PAK1IP1: variants seen among roughly 807,000 people sequenced by gnomAD.
PAK1IP1 encodes the protein PAK1 interacting protein 1.
A neutral mutation model predicts 42.0 loss-of-function variants in PAK1IP1; 24 were observed. The observed-to-expected ratio is 0.57, with a 90% CI of 0.41 to 0.80. The LOEUF is 0.80. PAK1IP1 is among the 30% of genes least tolerant of loss of function. PAK1IP1 has a pLI of 0.00. For missense variants in PAK1IP1, 411 were observed against 467.9 expected (o/e 0.88, Z 1.12); for synonymous variants, 154 against 156.7 (o/e 0.98, Z 0.13).
Position 10,703,417 on chromosome 6 carries a change from T to C in PAK1IP1, c.456T>C (p.Leu152=), listed in dbSNP as rs546238803. The C allele has an allele frequency of 2.3e-5, 37 of 1,611,762 alleles. No individual in the cohort carries two copies. The highest frequency in any genetic ancestry group is 2.9e-5 in the Non-Finnish European group (34 of 1,178,542). Residue 152 remains leucine (L), a synonymous_variant, in exon 5 of 10, where the codon CTT becomes CTC. Transcript: ENST00000379568. ...TCCTGTTTTGCAGAACGTGGAATCTTGTAGAAGGAAGATCAGCATTCATAA... is the reference window on the plus strand; with the variant it reads ...TCCTGTTTTGCAGAACGTGGAATCTCGTAGAAGGAAGATCAGCATTCATAA... ...GTDKTLRTWN[L]VEGRSAFIKN...
At position 10,701,425 on chromosome 6, in the gene PAK1IP1, C is replaced by G. The variant is rs554580891; in HGVS notation, c.248-944C>G. Among the ~76,000 whole-genome samples, 3 of 152,318 alleles carry G rather than the reference C, an allele frequency of 2.0e-5. No homozygotes were observed. The East Asian group carries it at 5.8e-4, about 29-fold the overall frequency. ...ATTAGTTTGCTGGGGATAATGGCTT[C>G]CAACTCCATCCACATCCCTGCAAAG... On this transcript the variant is annotated intron_variant, in intron 2 of 9. Transcript: ENST00000379568.
At chr6:10,697,118 C>G (rs1193415048) in intron 1 of PAK1IP1, among the ~76,000 whole-genome samples, 1 of 152,110 alleles carries the variant, frequency 6.6e-6, no homozygotes, top group South Asian at 2.1e-4. Context: ...AGTCTCAAGT[C>G]CTTTGTGGTA....
chr6:10,698,180 A>G (rs966627304), intron 2 of PAK1IP1, among the ~76,000 whole-genome samples: 1 of 152,190 alleles, frequency 6.6e-6, no homozygotes, highest in African/African-American at 2.4e-5. Flanking sequence ...GTGCCAAGAA[A>G]GTAGAAGAGA....
At chr6:10,707,955 C>G (rs879859804) in intron 8 of PAK1IP1, among the ~76,000 whole-genome samples, 5 of 151,508 alleles carry the variant, frequency 3.3e-5, no homozygotes, top group African/African-American at 4.9e-5. Context: ...TAAACACATT[C>G]TGTGAATATG....
intron 1 of PAK1IP1, 124 bp from the exon 2 acceptor site, chr6:10,697,200 C>T (rs945825839): frequency 7.8e-6 from 6 of 767,244 alleles, no homozygotes; most frequent in East Asian, 2.6e-5. Flanking sequence ...TTTCATGAAT[C>T]GTGGAATGAT....
chr6:10,704,061 C>T (rs967556738), intron 5 of PAK1IP1, among the ~76,000 whole-genome samples: 3 of 151,882 alleles, frequency 2.0e-5, no homozygotes, highest in South Asian at 4.2e-4. Context: ...CTCGCTCTAT[C>T]ACCCAGGCTG....
intron 4 of PAK1IP1, among the ~76,000 whole-genome samples, 160 bp downstream of exon 4, chr6:10,702,799 T>G (rs576509108): frequency 1.1e-4 from 17 of 152,208 alleles, no homozygotes; most frequent in African/African-American, 4.1e-4. Context: ...TCTGTTTTCT[T>G]TCTTTTTTTT....
intron 2 of PAK1IP1, among the ~76,000 whole-genome samples, chr6:10,698,967 G>A (rs1005959655): frequency 5.3e-5 from 8 of 152,128 alleles, no homozygotes; most frequent in Admixed American, 1.3e-4. Context: ...TTGGGAGGCC[G>A]AGGTGGGCCG....
chr6:10,707,968 T>C (rs1009526183), intron 8 of PAK1IP1, among the ~76,000 whole-genome samples: 1 of 152,106 alleles, frequency 6.6e-6, no homozygotes, highest in Non-Finnish European at 1.5e-5. Context: ...TGAATATGGT[T>C]TGTTGAATGT....
Position 10,707,490 on chromosome 6 carries a change from A to G in PAK1IP1, c.816A>G (p.Lys272=), listed in dbSNP as rs1284430433. 1.2e-6 allele frequency: 2 copies of G among 1,607,092 alleles called. No homozygotes were observed. The highest frequency in any genetic ancestry group is 1.7e-6 in the Non-Finnish European group (2 of 1,173,616). The change falls in exon 8 of 10, where the codon AAA becomes AAG. Residue 272 remains lysine, a synonymous_variant. Coordinates refer to ENST00000379568, the MANE Select transcript of PAK1IP1 (RefSeq NM_017906.3). ...IVSASSDGFI[K]MWKLKQDKKV... is the part of the protein sequence containing the mutation. ...CAGCATCGAGTGATGGTTTCATCAA[A>G]ATGTGGAAGCTTAAGCAGGATAAGG...
chr6:10,709,340 G>A lies in PAK1IP1; in HGVS notation c.1067G>A (p.Gly356Asp). The A allele has an allele frequency of 1.2e-6, 2 of 1,613,926 alleles. No homozygotes were observed. Among genetic ancestry groups the A allele is most frequent in the African/African-American group, 2.7e-5 (2 of 75,010 alleles). ...KPNTKKRGLT[G>D]DSKKATKESG... ...AACACAAAGAAACGCGGTTTAACAG[G>A]TGACAGTAAGAAAGCAACAAAAGAA... Residue 356 changes from glycine to aspartate, a missense_variant, in exon 10 of 10, where the codon GGT becomes GAT. Transcript: ENST00000379568.
At chr6:10,701,295 T>C (rs1243027745) in intron 2 of PAK1IP1, among the ~76,000 whole-genome samples, 1 of 152,144 alleles carries the variant, frequency 6.6e-6, no homozygotes. Flanking sequence ...CAGGCTGGTA[T>C]TGAACTCCTG....
intron 8 of PAK1IP1, among the ~76,000 whole-genome samples, chr6:10,707,751 G>T (rs1283626970): frequency 6.6e-6 from 1 of 152,212 alleles, no homozygotes; most frequent in African/African-American, 2.4e-5. Context: ...AGTCAGAGAA[G>T]CTCTACTTTC....
intron 4 of PAK1IP1, 103 bp downstream of exon 4, chr6:10,702,742 T>A (rs1490004419): frequency 2.4e-6 from 2 of 837,988 alleles, no homozygotes; most frequent in Non-Finnish European, 4.1e-6. Context: ...CAAAAGCTGG[T>A]GAACCTTTTC....
intron 7 of PAK1IP1, among the ~76,000 whole-genome samples, chr6:10,706,206 AC>A (rs1177249083): frequency 6.6e-6 from 1 of 151,856 alleles, no homozygotes; most frequent in Non-Finnish European, 1.5e-5. Context: ...AAGATGTGAG[AC>A]CTTAAGAATG....
In PAK1IP1 at chr6:10,704,752, T is replaced by C. The variant is rs1401242594; in HGVS notation, c.648T>C (p.Ser216=). The change falls in exon 7 of 10, where the codon TCT becomes TCC. Residue 216 remains serine (S), a synonymous_variant. Transcript: ENST00000379568. ...RISSVKFLSE[S]VLAVAGDEEV... ...CTCTTTTTCCTCTCTCCTAGGAGTCTGTCCTTGCAGTGGCTGGAGATGAAG... is the reference window on the plus strand; with the variant it reads ...CTCTTTTTCCTCTCTCCTAGGAGTCCGTCCTTGCAGTGGCTGGAGATGAAG... The C allele has an allele frequency of 2.5e-6, 4 of 1,610,886 alleles. No individual in the cohort carries two copies. The highest frequency in any genetic ancestry group is 3.4e-6 in the Non-Finnish European group (4 of 1,177,120).
At chr6:10,702,665 T>C in intron 4 of PAK1IP1, 26 bp downstream of exon 4, 1 of 1,495,336 alleles carries the variant, frequency 6.7e-7, no homozygotes, top group Non-Finnish European at 9.3e-7. Context: ...TCAAGAGCAT[T>C]TATCTAAGGT....
chr6:10,691,639 T>C (rs1475756677), upstream of PAK1IP1, among the ~76,000 whole-genome samples: 1 of 152,052 alleles, frequency 6.6e-6, no homozygotes, highest in South Asian at 2.1e-4. Flanking sequence ...TAAGACAATA[T>C]GAGGGGTGGT....
intron 5 of PAK1IP1, 150 bp from the exon 6 acceptor site, chr6:10,704,357 T>A: frequency 1.7e-6 from 1 of 597,460 alleles, no homozygotes. Context: ...GATTATTTTC[T>A]AAAAAACTTG....
Sources: allele counts gnomAD v4.1 joint callset (sites outside exome capture counted in the v4.1 genomes callset), GRCh38; gene constraint gnomAD v4.1.1; transcripts MANE v1.5; gene names NCBI Gene and HGNC (gene_info 2026-07-23, HGNC 2026-07-21).